DOCK5: variants seen among roughly 807,000 people sequenced by gnomAD.
DOCK5 encodes the protein dedicator of cytokinesis protein 5.
In DOCK5, 142 loss-of-function variants were observed where a neutral mutation model predicts 251.8. The observed-to-expected ratio is 0.56, with a 90% CI of 0.49 to 0.65. DOCK5 has a LOEUF of 0.65. Among genes scored for constraint, DOCK5 ranks in the 30% least tolerant of loss-of-function variants. The pLI is 0.00. For synonymous variants in DOCK5, 842 were observed against 835.5 expected, an observed-to-expected ratio of 1.01 and a Z score of -0.13; for missense variants, 2,111 against 2,312.3, an observed-to-expected ratio of 0.91 and a Z score of 1.79.
intron 11 of DOCK5, chr8:25,305,317 A>G (rs1804887845): frequency 6.6e-6 from 1 of 150,684 alleles, no homozygotes; most frequent in Non-Finnish European, 1.5e-5. Context: ...AGGTTTTTGG[A>G]GAAAGTTAGC....
intron 2 of DOCK5, among the ~76,000 whole-genome samples, chr8:25,248,138 G>A (rs1178573093): frequency 1.3e-5 from 2 of 152,102 alleles, no homozygotes. Context: ...TACTATATTG[G>A]ATTATATTTT....
intron 5 of DOCK5, among the ~76,000 whole-genome samples, chr8:25,285,940 G>C (rs1327655084): frequency 1.3e-5 from 2 of 152,174 alleles, no homozygotes; most frequent in Non-Finnish European, 2.9e-5. Context: ...TATTTTTCCA[G>C]TTTTGATTTC....
Position 25,310,442 on chromosome 8 carries a change from C to G in DOCK5, c.1228C>G (p.Leu410Val). The change falls in exon 13 of 52, where the codon CTC becomes GTC. Residue 410 changes from leucine to valine, a missense_variant. Transcript: ENST00000276440. ...WVSLKLLPGDLTQVQKNFSHL... is the reference protein window; with the variant it reads ...WVSLKLLPGDVTQVQKNFSHL... ...ATCCTTGAAGCTCTTGCCCGGTGAC[C>G]TCACCCAGGTTCAGAAGAATTTTTC... 1 of 1,613,682 alleles carries G rather than the reference C, an allele frequency of 6.2e-7. No homozygotes were observed. Among genetic ancestry groups the G allele is most frequent in the Non-Finnish European group, 8.5e-7 (1 of 1,179,782 alleles).
chr8:25,403,246 T>C (rs888464088), intron 47 of DOCK5, among the ~76,000 whole-genome samples: 3 of 152,240 alleles, frequency 2.0e-5, no homozygotes, highest in African/African-American at 4.8e-5. Context: ...AAGGTTTTGC[T>C]ATTTATTGGA....
At chr8:25,369,000 G>A (rs1267182963) in intron 33 of DOCK5, among the ~76,000 whole-genome samples, 2 of 152,210 alleles carry the variant, frequency 1.3e-5, no homozygotes, top group Non-Finnish European at 2.9e-5. Flanking sequence ...AATCCTAGCT[G>A]TTTCAGTATA....
intron 26 of DOCK5, chr8:25,351,248 C>A (rs1383892550): frequency 6.5e-6 from 1 of 152,954 alleles, no homozygotes; most frequent in Non-Finnish European, 1.5e-5. Flanking sequence ...TTAGTAGAGA[C>A]GGGGTTTCAC....
intron 22 of DOCK5, among the ~76,000 whole-genome samples, chr8:25,339,554 G>A (rs1024468360): frequency 1.6e-4 from 24 of 152,214 alleles, no homozygotes; most frequent in African/African-American, 5.8e-4. Context: ...GGGTGGAGGA[G>A]GAGGTGGTAT....
chr8:25,326,122 A>G (rs1317323819), intron 18 of DOCK5, among the ~76,000 whole-genome samples: 3 of 150,440 alleles, frequency 2.0e-5, no homozygotes, highest in Admixed American at 2.0e-4. Context: ...TGTGTAGATT[A>G]TGACATGTGC....
chr8:25,318,506 CCCCA>C (rs1805326402), intron 14 of DOCK5, among the ~76,000 whole-genome samples: 1 of 138,750 alleles, frequency 7.2e-6, no homozygotes, highest in Admixed American at 7.4e-5. Context: ...TCCTCTCCTC[CCCCA>C]CTTCCCCTCC....
chr8:25,384,193 T>G (rs1801118891), intron 40 of DOCK5, among the ~76,000 whole-genome samples: 1 of 152,196 alleles, frequency 6.6e-6, no homozygotes, highest in Non-Finnish European at 1.5e-5. Context: ...CTGCGTACTC[T>G]GTGGTTTTAT....
rs757301238 is a variant in DOCK5, at chr8:25,243,738, C to T, written c.108C>T (p.His36=). ...ELSLQIGDTV[H]ILEMYEGWYR... is the part of the protein sequence containing the mutation. ...CCTTGCAGATCGGTGACACAGTTCA[C>T]ATCCTGGAGATGTACGAGGGTAAGT... Residue 36 remains histidine (H), a synonymous_variant, in exon 2 of 52, where the codon CAC becomes CAT. Coordinates refer to ENST00000276440, the MANE Select transcript of DOCK5 (RefSeq NM_024940.8). 29 of 1,613,712 alleles carry T rather than the reference C, an allele frequency of 1.8e-5. No individual in the cohort carries two copies. The highest frequency in any genetic ancestry group is 2.5e-5 in the Non-Finnish European group (29 of 1,179,724).
At chr8:25,225,718 A>C (rs933465571) in intron 1 of DOCK5, among the ~76,000 whole-genome samples, 1 of 152,048 alleles carries the variant, frequency 6.6e-6, no homozygotes, top group Non-Finnish European at 1.5e-5. Flanking sequence ...AAAAAAAAAA[A>C]AAAGGAAATT....
At chr8:25,274,157 G>T (rs1586285574) in intron 3 of DOCK5, among the ~76,000 whole-genome samples, 2 of 152,336 alleles carry the variant, frequency 1.3e-5, no homozygotes, top group Admixed American at 1.3e-4. Flanking sequence ...CATGCAACTG[G>T]ACACAAGAAC....
intron 31 of DOCK5, 48 bp downstream of exon 31, chr8:25,367,018 G>A (rs878993564): frequency 6.7e-7 from 1 of 1,502,114 alleles, no homozygotes. Context: ...TCTTCCATTT[G>A]TTTACATTGA....
intron 34 of DOCK5, 69 bp downstream of exon 34, chr8:25,369,710 G>A (rs2048084): frequency 2.2e-6 from 3 of 1,389,768 alleles, no homozygotes; most frequent in Non-Finnish European, 3.0e-6. Flanking sequence ...CAGGGGTCCT[G>A]TTTCACCAAT....
intron 1 of DOCK5, among the ~76,000 whole-genome samples, chr8:25,219,663 G>A (rs1434240336): frequency 6.6e-6 from 1 of 151,574 alleles, no homozygotes; most frequent in African/African-American, 2.4e-5. Context: ...TTTTCCCATG[G>A]GAATAATGCA....
chr8:25,278,588 C>G lies in DOCK5; in HGVS notation c.244C>G (p.Pro82Ala), dbSNP rs770652288. 20 of 1,613,810 alleles carry G rather than the reference C, an allele frequency of 1.2e-5. No individual in the cohort carries two copies. The highest frequency in any genetic ancestry group is 1.7e-5 in the Non-Finnish European group (20 of 1,179,870). Residue 82 changes from proline to alanine, a missense_variant, in exon 5 of 52, where the codon CCT (proline) becomes GCT (alanine). Coordinates refer to ENST00000276440, the MANE Select transcript of DOCK5 (RefSeq NM_024940.8). ...TTGTAGGCAGCATGAAACCGTGATTCCTGGCGAGCTCCCCCTGGTGCAGGA... is the reference window on the plus strand; with the variant it reads ...TTGTAGGCAGCATGAAACCGTGATTGCTGGCGAGCTCCCCCTGGTGCAGGA... ...EDLGQHETVI[P>A]GELPLVQELT...
intron 8 of DOCK5, 53 bp downstream of exon 8, chr8:25,299,154 C>T: frequency 1.3e-6 from 2 of 1,576,486 alleles, no homozygotes; most frequent in South Asian, 1.2e-5. Flanking sequence ...ACCCAGCCTT[C>T]CCCTGACCCC....
intron 36 of DOCK5, 121 bp downstream of exon 36, chr8:25,373,779 A>G (rs764627394): frequency 3.0e-5 from 27 of 889,292 alleles, no homozygotes; most frequent in Admixed American, 8.0e-5. Context: ...CTAAAAGTAC[A>G]TGATACGCTC....
Sources: gnomAD v4.1 joint callset for allele counts (sites outside exome capture counted in the v4.1 genomes callset) on GRCh38, gnomAD v4.1.1 for gene constraint, MANE v1.5 for transcripts, NCBI Gene and HGNC (gene_info 2026-07-23, HGNC 2026-07-21) for gene names.